Variants in RALGPS1 observed in about 807,000 individuals in gnomAD.
RALGPS1 encodes the protein ras-specific guanine nucleotide-releasing factor RalGPS1.
RALGPS1 carries 19 observed loss-of-function variants against 78.8 expected under a neutral mutation model. The observed-to-expected ratio is 0.24, with a 90% CI of 0.17 to 0.35. The LOEUF is 0.35. Among genes scored for constraint, RALGPS1 ranks in the 10% least tolerant of loss-of-function variants. The pLI is 1.00. For missense variants in RALGPS1, 454 were observed against 688.3 expected, an observed-to-expected ratio of 0.66 and a Z score of 3.81; for synonymous variants, 228 against 256.3, an observed-to-expected ratio of 0.89 and a Z score of 1.06.
At chr9:127,036,126 G>A (rs537623710) in intron 5 of RALGPS1, among the ~76,000 whole-genome samples, 1 of 152,344 alleles carries the variant, frequency 6.6e-6, no homozygotes, top group South Asian at 2.1e-4. Flanking sequence ...GTCCAGCTCA[G>A]ACCAAGTGAT....
intron 1 of RALGPS1, among the ~76,000 whole-genome samples, chr9:126,955,636 T>A (rs889170165): frequency 6.6e-6 from 1 of 152,178 alleles, no homozygotes; most frequent in Non-Finnish European, 1.5e-5. Context: ...TAATATATTT[T>A]AATATAATTT....
At chr9:126,931,374 T>TG (rs1420950023) in intron 1 of RALGPS1, among the ~76,000 whole-genome samples, 3 of 152,076 alleles carry the variant, frequency 2.0e-5, no homozygotes, top group Non-Finnish European at 4.4e-5. Flanking sequence ...AACCCAAATA[T>TG]CTACCAGTTA....
At chr9:126,934,679 T>C (rs2036100606) in intron 1 of RALGPS1, among the ~76,000 whole-genome samples, 1 of 152,162 alleles carries the variant, frequency 6.6e-6, no homozygotes, top group Admixed American at 6.5e-5. Flanking sequence ...ACTGTCTTTC[T>C]CTCTCTGCCT....
rs566849637 is a variant in RALGPS1 at position 127,200,095 on chromosome 9, T to C, written c.1247+1029T>C. ...GTGGGTGTATACACTCACACGTACA[T>C]ATGCATGCATGCATGTACCCTCTCA... On this transcript the variant is annotated intron_variant, in intron 14 of 18. Coordinates refer to ENST00000259351, the MANE Select transcript of RALGPS1 (RefSeq NM_014636.3). Among the ~76,000 whole-genome samples the C allele has an allele frequency of 2.0e-5, 3 of 152,256 alleles. No individual in the cohort carries two copies. In the East Asian group the frequency reaches 5.8e-4, roughly 29 times the overall value.
intron 5 of RALGPS1, among the ~76,000 whole-genome samples, chr9:127,049,768 G>A (rs577618261): frequency 7.9e-5 from 12 of 152,182 alleles, no homozygotes; most frequent in Non-Finnish European, 1.8e-4. Flanking sequence ...CTCGTGTCAC[G>A]GAGGCCCAGC....
intron 8 of RALGPS1, chr9:127,093,853 C>G (rs777951105): frequency 1.2e-6 from 2 of 1,614,100 alleles, no homozygotes; most frequent in Non-Finnish European, 1.7e-6. Context: ...GGTTGGTGTT[C>G]TCCGGCTTCA....
rs903042282 is a variant in RALGPS1 at position 127,091,269 on chromosome 9, G to A, written c.610+21913G>A. Among the ~76,000 whole-genome samples, 2 of 152,230 alleles carry A rather than the reference G, an allele frequency of 1.3e-5. No homozygotes were observed. Among genetic ancestry groups the A allele is most frequent in the Non-Finnish European group, 2.9e-5 (2 of 68,034 alleles). On this transcript the variant is annotated intron_variant, in intron 8 of 18. Coordinates refer to ENST00000259351, the MANE Select transcript of RALGPS1 (RefSeq NM_014636.3). The surrounding 1 kb of genome is among the most constrained non-coding windows in gnomAD (Gnocchi z 4.3). ...CAAGGACACATGGCTGGTAGGAGGTGGGGCCAGCACTGGAGCCCAGGTGTG... is the reference window on the plus strand; with the variant it reads ...CAAGGACACATGGCTGGTAGGAGGTAGGGCCAGCACTGGAGCCCAGGTGTG...
intron 8 of RALGPS1, among the ~76,000 whole-genome samples, chr9:127,103,673 G>A (rs569167798): frequency 5.9e-5 from 9 of 152,288 alleles, no homozygotes; most frequent in African/African-American, 1.4e-4. Context: ...GGTTGGTAGC[G>A]ACAGTGTTTT....
chr9:127,093,349 C>T (rs2052709961), intron 8 of RALGPS1, among the ~76,000 whole-genome samples: 1 of 152,134 alleles, frequency 6.6e-6, no homozygotes, highest in Non-Finnish European at 1.5e-5. Flanking sequence ...GGGACTTGCG[C>T]CTTCTGGGCT....
intron 8 of RALGPS1, among the ~76,000 whole-genome samples, chr9:127,105,623 A>G (rs966198612): frequency 3.3e-5 from 5 of 152,212 alleles, no homozygotes; most frequent in African/African-American, 1.2e-4. Context: ...ACACCAGGGT[A>G]TCACCACAGT....
At chr9:127,023,751 C>T (rs2045690803) in intron 4 of RALGPS1, among the ~76,000 whole-genome samples, 1 of 152,098 alleles carries the variant, frequency 6.6e-6, no homozygotes, top group South Asian at 2.1e-4. Context: ...AGTACAGAAA[C>T]AGGGCTGGGC....
At chr9:126,980,710 TAAG>T (rs927651273) in intron 4 of RALGPS1, among the ~76,000 whole-genome samples, 1 of 152,162 alleles carries the variant, frequency 6.6e-6, no homozygotes, top group Non-Finnish European at 1.5e-5. Flanking sequence ...CCCACAGAGG[TAAG>T]AAGAAGAATA....
At position 126,965,730 on chromosome 9, in the gene RALGPS1, A is replaced by AT. The variant is rs1485526651; in HGVS notation, c.58-108dup. 16 of 749,806 alleles carry AT rather than the reference A, an allele frequency of 2.1e-5. No homozygotes were observed. In the African/African-American group the frequency reaches 2.2e-4, roughly 11 times the overall value. The allele number at this position is 749,806 out of a possible 1,614,324, so 46.4% of individuals were successfully genotyped here. A position where few individuals can be genotyped will look rare whatever the true frequency, so the allele number is the denominator to read the frequency against. ...GGTAAAGCTCTAATCAATAGAAGCC[A>AT]TTTTTTATTGTACTATTCCATTGCT... On this transcript the variant is annotated intron_variant, in intron 2 of 18. Coordinates refer to ENST00000259351, the MANE Select transcript of RALGPS1 (RefSeq NM_014636.3).
At chr9:126,958,381 T>C (rs908267452) in intron 1 of RALGPS1, among the ~76,000 whole-genome samples, 3 of 152,154 alleles carry the variant, frequency 2.0e-5, no homozygotes, top group Non-Finnish European at 4.4e-5. Flanking sequence ...GATCCAGTTT[T>C]AGAACATTTC....
intron 10 of RALGPS1, among the ~76,000 whole-genome samples, chr9:127,171,432 A>G (rs2059561099): frequency 6.6e-6 from 1 of 152,208 alleles, no homozygotes; most frequent in Non-Finnish European, 1.5e-5. Flanking sequence ...AAGAGAGATT[A>G]TTTTCCAAAA....
chr9:126,984,941 A>G (rs1279572037), intron 4 of RALGPS1, among the ~76,000 whole-genome samples: 3 of 152,246 alleles, frequency 2.0e-5, no homozygotes, highest in African/African-American at 7.2e-5. Context: ...CAGAGCTAGT[A>G]AACAGTTATT....
intron 8 of RALGPS1, among the ~76,000 whole-genome samples, chr9:127,135,985 A>G (rs987807430): frequency 1.3e-5 from 2 of 152,218 alleles, no homozygotes. Flanking sequence ...CTTGCTGCCC[A>G]AAATTGGAAA....
intron 1 of RALGPS1, among the ~76,000 whole-genome samples, chr9:126,933,166 G>A (rs939057707): frequency 3.3e-5 from 5 of 152,186 alleles, no homozygotes; most frequent in Non-Finnish European, 7.3e-5. Context: ...AGCCAGCAGG[G>A]GAGGCCAGAG....
At chr9:127,112,269 G>A (rs965939143) in intron 8 of RALGPS1, among the ~76,000 whole-genome samples, 2 of 152,202 alleles carry the variant, frequency 1.3e-5, no homozygotes, top group Non-Finnish European at 2.9e-5. Flanking sequence ...TGTTTGCCTC[G>A]TTTCCAACGG....
Sources: allele counts gnomAD v4.1 joint callset (sites outside exome capture counted in the v4.1 genomes callset), GRCh38; gene constraint gnomAD v4.1.1; non-coding constraint Gnocchi (gnomAD v3.1); transcripts MANE v1.5; gene names NCBI Gene and HGNC (gene_info 2026-07-23, HGNC 2026-07-21).